XKR4: variants seen among roughly 807,000 people sequenced by gnomAD.
XKR4 encodes the protein XK related 4.
A neutral mutation model predicts 53.9 loss-of-function variants in XKR4; 12 were observed. The ratio of observed to expected loss-of-function variants is 0.22; its 90% CI spans 0.14 to 0.36. XKR4 has a LOEUF of 0.36. XKR4 is among the 10% of genes least tolerant of loss of function. The probability of loss-of-function intolerance (pLI) is 1.00; values close to 1 mark genes in which losing one functional copy is unlikely to be tolerated. For synonymous variants in XKR4, 354 were observed against 362.4 expected (o/e 0.98, Z 0.26); for missense variants, 799 against 859.5 (o/e 0.93, Z 0.88).
chr8:55,290,231 T>C (rs1335197897), intron 1 of XKR4, among the ~76,000 whole-genome samples: 2 of 151,394 alleles, frequency 1.3e-5, no homozygotes, highest in East Asian at 1.9e-4. Flanking sequence ...CCGGGTTCAA[T>C]TGATTCTCTT....
At chr8:55,150,186 G>A (rs1816822181) in intron 1 of XKR4, among the ~76,000 whole-genome samples, 1 of 152,200 alleles carries the variant, frequency 6.6e-6, no homozygotes, top group Admixed American at 6.5e-5. Flanking sequence ...ACATAACTAG[G>A]TCTTCAAGTT....
At chr8:55,322,400 G>C (rs969115980) in intron 1 of XKR4, among the ~76,000 whole-genome samples, 1 of 152,058 alleles carries the variant, frequency 6.6e-6, no homozygotes, top group Non-Finnish European at 1.5e-5. Flanking sequence ...AAATTTTCCT[G>C]TTTCAAGTCA....
At chr8:55,462,707 G>T (rs547366471) in intron 2 of XKR4, among the ~76,000 whole-genome samples, 5 of 151,978 alleles carry the variant, frequency 3.3e-5, no homozygotes, top group African/African-American at 4.8e-5. Flanking sequence ...AAGACCCATC[G>T]GTGTGCTGTA....
chr8:55,121,944 C>T lies in XKR4; in HGVS notation c.806+18650C>T, dbSNP rs183953560. ...CAGCCTGATTCACTCACCTCTGCTC[C>T]GCTTGGGCTCTGCCTCTAATGGACC... On this transcript the variant is annotated intron_variant, in intron 1 of 2. Transcript: ENST00000327381. Among the ~76,000 whole-genome samples the T allele has an allele frequency of 2.6e-4, 39 of 152,184 alleles. No homozygotes were observed. The East Asian group carries it at 3.3e-3, about 13-fold the overall frequency.
intron 1 of XKR4, among the ~76,000 whole-genome samples, chr8:55,286,881 C>T (rs1818913917): frequency 6.6e-6 from 1 of 152,144 alleles, no homozygotes; most frequent in South Asian, 2.1e-4. Context: ...AAAAGGTCTA[C>T]TTTCTAATGA....
intron 1 of XKR4, among the ~76,000 whole-genome samples, chr8:55,164,938 C>T (rs538071511): frequency 3.9e-5 from 6 of 152,176 alleles, no homozygotes; most frequent in Non-Finnish European, 8.8e-5. Flanking sequence ...GTCCTATAGA[C>T]CCTGTGTTCC....
chr8:55,137,235 G>A (rs1352162382), intron 1 of XKR4, among the ~76,000 whole-genome samples: 1 of 151,938 alleles, frequency 6.6e-6, no homozygotes, highest in South Asian at 2.1e-4. Flanking sequence ...GGTTAGGGAT[G>A]TGAGTAGAGA....
intron 1 of XKR4, among the ~76,000 whole-genome samples, chr8:55,142,897 C>T (rs960859252): frequency 1.4e-4 from 21 of 152,316 alleles, no homozygotes; most frequent in African/African-American, 4.8e-4. Context: ...GAAGGAGCAG[C>T]GCCTGAAGGC....
intron 2 of XKR4, among the ~76,000 whole-genome samples, chr8:55,359,530 A>T (rs1803870059): frequency 6.6e-6 from 1 of 152,212 alleles, no homozygotes; most frequent in South Asian, 2.1e-4. Context: ...TTTAGTGCTC[A>T]TCTCCAGAAC....
intron 1 of XKR4, among the ~76,000 whole-genome samples, chr8:55,253,240 A>T (rs1216060958): frequency 1.0e-4 from 11 of 106,326 alleles, no homozygotes; most frequent in Admixed American, 9.7e-4. Context: ...CCATGGTAGT[A>T]AAAAAAAAAA....
intron 1 of XKR4, among the ~76,000 whole-genome samples, chr8:55,254,299 T>C (rs1818404863): frequency 6.6e-6 from 1 of 152,118 alleles, no homozygotes; most frequent in Non-Finnish European, 1.5e-5. Context: ...AGAATGGACC[T>C]GAACACATTT....
intron 1 of XKR4, among the ~76,000 whole-genome samples, chr8:55,191,212 C>G (rs1817440411): frequency 6.6e-6 from 1 of 152,170 alleles, no homozygotes; most frequent in Non-Finnish European, 1.5e-5. Context: ...ACCTCCTCCT[C>G]CAGCCATCCA....
chr8:55,103,150 A>G lies in XKR4; in HGVS notation c.662A>G (p.Lys221Arg). 2 of 1,614,008 alleles carry G rather than the reference A, an allele frequency of 1.2e-6. No individual in the cohort carries two copies. The highest frequency in any genetic ancestry group is 1.1e-5 in the South Asian group (1 of 91,086). The change falls in exon 1 of 3, where the codon AAG becomes AGG. Residue 221 changes from lysine (K) to arginine (R), a missense_variant. Lys to Arg is a conservative substitution (Grantham distance 26). Around this residue, in one of 3 missense-constraint regions of XKR4, gnomAD observed 476 missense variants for 505.4 expected, o/e 0.94. Transcript: ENST00000327381. ...TPQRQASNAS[K>R]SNIAAANSGS... Reference sequence around the variant, plus strand: ...CAAAGGCAAGCATCTAACGCCAGCAAGAGCAACATCGCCGCGGCCAACAGC... The same window carrying G: ...CAAAGGCAAGCATCTAACGCCAGCAGGAGCAACATCGCCGCGGCCAACAGC...
intron 2 of XKR4, among the ~76,000 whole-genome samples, chr8:55,456,387 C>A (rs563914690): frequency 1.3e-5 from 2 of 151,814 alleles, no homozygotes; most frequent in South Asian, 4.2e-4. Flanking sequence ...GCTGAGGTTG[C>A]GCCATTGTAC....
In XKR4 at chr8:55,141,671, C is replaced by CTCTCTG. The variant is rs748708972; in HGVS notation, c.806+38378_806+38379insCTCTGT. ...TCTCTCTCTCTCTCTCTCTCTCTCTCTGTGTGTGTGTGTGTGTGTCTCTCT... is the reference window on the plus strand; with the variant it reads ...TCTCTCTCTCTCTCTCTCTCTCTCTCTCTCTGTGTGTGTGTGTGTGTGTGTCTCTCT... On this transcript the variant is annotated intron_variant, in intron 1 of 2. Coordinates refer to ENST00000327381, the MANE Select transcript of XKR4 (RefSeq NM_052898.2). Among the ~76,000 whole-genome samples the CTCTCTG allele has an allele frequency of 4.7e-3, 639 of 135,022 alleles. 5 individuals are homozygous for CTCTCTG. The highest frequency in any genetic ancestry group is 0.021 in the South Asian group (77 of 3,598). 88.6% of individuals were successfully genotyped at this position (135,022 alleles called of 152,430 possible).
At chr8:55,399,571 C>A (rs761381853) in intron 2 of XKR4, among the ~76,000 whole-genome samples, 2 of 152,192 alleles carry the variant, frequency 1.3e-5, no homozygotes, top group South Asian at 4.1e-4. Context: ...TGTGGAAATG[C>A]ACTAGAAACC....
intron 2 of XKR4, among the ~76,000 whole-genome samples, chr8:55,488,599 C>A (rs749886658): frequency 6.6e-6 from 1 of 152,030 alleles, no homozygotes; most frequent in Non-Finnish European, 1.5e-5. Context: ...CTTCATATTG[C>A]GGAATTTCAA....
At chr8:55,470,928 C>T (rs1315055478) in intron 2 of XKR4, among the ~76,000 whole-genome samples, 1 of 152,112 alleles carries the variant, frequency 6.6e-6, no homozygotes, top group Admixed American at 6.5e-5. Flanking sequence ...AGACATGAAT[C>T]ACACTATAAT....
intron 1 of XKR4, among the ~76,000 whole-genome samples, chr8:55,311,787 C>A (rs1586004339): frequency 1.4e-5 from 1 of 73,718 alleles, no homozygotes. Context: ...AAAGAAAAGT[C>A]ATATAGAACC....
Sources: allele counts gnomAD v4.1 joint callset (sites outside exome capture counted in the v4.1 genomes callset), GRCh38; gene constraint gnomAD v4.1.1; regional missense constraint gnomAD v4.1.1; transcripts MANE v1.5; gene names NCBI Gene and HGNC (gene_info 2026-07-23, HGNC 2026-07-21).